DIS3L2: variants seen among roughly 807,000 people sequenced by gnomAD.
DIS3L2 encodes DIS3-like exonuclease 2.
DIS3L2 carries 34 observed loss-of-function variants against 97.5 expected under a neutral mutation model. The ratio of observed to expected loss-of-function variants is 0.35; its 90% CI spans 0.27 to 0.46. The LOEUF is 0.46. DIS3L2 is among the 20% of genes least tolerant of loss of function. The probability of loss-of-function intolerance (pLI) is 1.00; values close to 1 mark genes in which losing one functional copy is unlikely to be tolerated. For synonymous variants in DIS3L2, 435 were observed against 445.2 expected, an observed-to-expected ratio of 0.98 and a Z score of 0.29; for missense variants, 1,038 against 1,146.0, an observed-to-expected ratio of 0.91 and a Z score of 1.36.
chr2:232,294,942 G>A (rs1006964620), intron 13 of DIS3L2, among the ~76,000 whole-genome samples: 7 of 152,036 alleles, frequency 4.6e-5, no homozygotes, highest in African/African-American at 1.7e-4. Flanking sequence ...CTTCCCATCA[G>A]CCTCTTTCCC....
chr2:232,024,219 G>T, intron 3 of DIS3L2, 58 bp from the exon 4 acceptor site: 3 of 1,300,928 alleles, frequency 2.3e-6, no homozygotes, highest in Non-Finnish European at 3.2e-6. Flanking sequence ...AATAACATAC[G>T]TGGAAAAATC....
At chr2:232,283,304 C>G (rs534721046) in intron 13 of DIS3L2, among the ~76,000 whole-genome samples, 1 of 152,158 alleles carries the variant, frequency 6.6e-6, no homozygotes, top group African/African-American at 2.4e-5. Context: ...CTCTGCTGCC[C>G]GGGCTGGAGT....
intron 10 of DIS3L2, among the ~76,000 whole-genome samples, chr2:232,210,878 G>A (rs1343933660): frequency 6.6e-6 from 1 of 151,842 alleles, no homozygotes; most frequent in African/African-American, 2.4e-5. Context: ...GCCTCTCTAG[G>A]GCTGAGCTGG....
chr2:232,081,511 A>G (rs1696396149), intron 5 of DIS3L2, among the ~76,000 whole-genome samples: 1 of 151,804 alleles, frequency 6.6e-6, no homozygotes, highest in South Asian at 2.1e-4. Flanking sequence ...TCTTAATTTA[A>G]TTAGCTGAAA....
At chr2:231,969,011 C>G (rs1203318929) in intron 1 of DIS3L2, among the ~76,000 whole-genome samples, 1 of 152,126 alleles carries the variant, frequency 6.6e-6, no homozygotes, top group Admixed American at 6.6e-5. Context: ...CTCACATGCT[C>G]TCTCACTTGC....
downstream of DIS3L2, among the ~76,000 whole-genome samples, chr2:232,340,115 C>A (rs1031664462): frequency 6.6e-6 from 1 of 152,182 alleles, no homozygotes; most frequent in Non-Finnish European, 1.5e-5. Flanking sequence ...TGCTGTCACT[C>A]CCTCCTCCAA....
At chr2:232,050,431 A>G (rs1231873097) in intron 5 of DIS3L2, among the ~76,000 whole-genome samples, 1 of 149,654 alleles carries the variant, frequency 6.7e-6, no homozygotes, top group Non-Finnish European at 1.5e-5. Context: ...CACCATGCCC[A>G]GCTAATCTTT....
At chr2:232,196,956 A>G (rs1691773345) in intron 9 of DIS3L2, among the ~76,000 whole-genome samples, 1 of 152,114 alleles carries the variant, frequency 6.6e-6, no homozygotes, top group African/African-American at 2.4e-5. Flanking sequence ...TTAGCTCAGC[A>G]TGTTCCCTGA....
Position 232,263,012 on chromosome 2 carries a change from A to T in DIS3L2, c.1426-195A>T, listed in dbSNP as rs16828734. On this transcript the variant is annotated intron_variant, in intron 12 of 20. Transcript: ENST00000325385. ...ATTGGATTAATTCCACGCCAGGTGG[A>T]GACTAAGCTCCCTGAGGGCAGCAGC... Among the ~76,000 whole-genome samples, 13,444 of 152,194 alleles carry T rather than the reference A, an allele frequency of 0.088. 806 individuals carry two copies. Among genetic ancestry groups the T allele is most frequent in the African/African-American group, 0.17 (6,986 of 41,500 alleles).
At chr2:232,228,714 G>A (rs992403961) in intron 10 of DIS3L2, among the ~76,000 whole-genome samples, 7 of 152,166 alleles carry the variant, frequency 4.6e-5, no homozygotes, top group African/African-American at 1.7e-4. Context: ...AGGTACACAG[G>A]TGGCTGGGGT....
At chr2:231,987,293 ATTCT>A (rs1448505310) in intron 1 of DIS3L2, among the ~76,000 whole-genome samples, 1 of 152,224 alleles carries the variant, frequency 6.6e-6, no homozygotes, top group Non-Finnish European at 1.5e-5. Flanking sequence ...AATGTGCCTT[ATTCT>A]TTCTAAGATT....
intron 9 of DIS3L2, among the ~76,000 whole-genome samples, chr2:232,173,861 A>G (rs1464881004): frequency 6.6e-6 from 1 of 152,208 alleles, no homozygotes; most frequent in African/African-American, 2.4e-5. Context: ...AAGTTTTGAA[A>G]TTGAGAAGTG....
At chr2:232,052,726 G>A (rs889131943) in intron 5 of DIS3L2, among the ~76,000 whole-genome samples, 4 of 152,154 alleles carry the variant, frequency 2.6e-5, no homozygotes, top group African/African-American at 9.7e-5. Context: ...TGGTTTCACA[G>A]GTTGTTGCCT....
At chr2:232,239,723 G>A (rs1693027743) in intron 11 of DIS3L2, among the ~76,000 whole-genome samples, 1 of 152,104 alleles carries the variant, frequency 6.6e-6, no homozygotes, top group African/African-American at 2.4e-5. Context: ...AGAATTTCTG[G>A]GCTCCACTTC....
chr2:232,260,918 T>A (rs893830287), intron 12 of DIS3L2, among the ~76,000 whole-genome samples: 1 of 152,174 alleles, frequency 6.6e-6, no homozygotes, highest in Non-Finnish European at 1.5e-5. Flanking sequence ...AAGCATTGTC[T>A]GAGAGCTTGT....
chr2:232,188,031 T>C (rs2106192327), intron 9 of DIS3L2, among the ~76,000 whole-genome samples: 2 of 152,056 alleles, frequency 1.3e-5, no homozygotes, highest in South Asian at 4.2e-4. Flanking sequence ...TCCCAGCTAC[T>C]GTGGAAGCTG....
At chr2:231,976,765 CTTTTT>C (rs34911392) in intron 1 of DIS3L2, among the ~76,000 whole-genome samples, 2 of 124,470 alleles carry the variant, frequency 1.6e-5, no homozygotes, top group African/African-American at 3.2e-5. Flanking sequence ...AACACGAAGC[CTTTTT>C]TTTTTTTTTT....
At chr2:232,339,678 A>C (rs933908587), downstream of DIS3L2, 1 of 456,066 alleles carries the variant, frequency 2.2e-6, no homozygotes, top group Non-Finnish European at 4.4e-6. Flanking sequence ...GCAGCTGGGC[A>C]GTAGAACACT....
At chr2:232,084,812 G>T (rs1216479608) in intron 5 of DIS3L2, among the ~76,000 whole-genome samples, 1 of 136,256 alleles carries the variant, frequency 7.3e-6, no homozygotes, top group African/African-American at 2.7e-5. Context: ...AAAAAAAAAA[G>T]CATTGTTTAC....
Sources: gnomAD v4.1 joint callset for allele counts (sites outside exome capture counted in the v4.1 genomes callset) on GRCh38, gnomAD v4.1.1 for gene constraint, MANE v1.5 for transcripts, NCBI Gene and HGNC (gene_info 2026-07-23, HGNC 2026-07-21) for gene names.